Variants in RUNX1 observed in about 807,000 individuals in gnomAD.
The protein encoded by RUNX1 is RUNX family transcription factor 1.
In RUNX1, 19 loss-of-function variants were observed where a neutral mutation model predicts 42.8. The observed-to-expected ratio is 0.44, with a 90% CI of 0.31 to 0.65. The LOEUF (loss-of-function observed/expected upper bound fraction) is 0.65. Among genes scored for constraint, RUNX1 ranks in the 30% least tolerant of loss-of-function variants. The pLI, the probability that RUNX1 is intolerant of heterozygous loss-of-function variation, is 0.07. For missense variants in RUNX1, 528 were observed against 672.0 expected (o/e 0.79, Z 2.37); for synonymous variants, 271 against 289.4 (o/e 0.94, Z 0.64).
chr21:34,845,722 C>T (rs1378268315), intron 6 of RUNX1, among the ~76,000 whole-genome samples: 1 of 152,046 alleles, frequency 6.6e-6, no homozygotes, highest in African/African-American at 2.4e-5. Flanking sequence ...TCCCCACCCC[C>T]AACTTTTTTT....
chr21:35,034,625 C>T (rs553252203), intron 2 of RUNX1, among the ~76,000 whole-genome samples: 1 of 152,308 alleles, frequency 6.6e-6, no homozygotes, highest in East Asian at 1.9e-4. Flanking sequence ...GAAGGGTTGT[C>T]ACTAGTGTCT....
intron 2 of RUNX1, among the ~76,000 whole-genome samples, chr21:34,963,300 C>T (rs2058694494): frequency 6.6e-6 from 1 of 152,152 alleles, no homozygotes; most frequent in African/African-American, 2.4e-5. Context: ...TGGAAGATGA[C>T]ACTCCTCCCC....
In RUNX1 at chr21:35,010,614, TACACACACACGCACACACACAC is replaced by T. The variant is rs1569149771; in HGVS notation, c.58+38206_58+38227del. 1.0e-4 allele frequency among the ~76,000 whole-genome samples: 15 copies of T among 147,318 alleles called. No homozygotes were observed. The South Asian group carries it at 3.2e-3, about 32-fold the overall frequency. ...ATATGGTCAGTCACACTACCGTGAGTACACACACACGCACACACACACACACACACACACACACTCATTCACA... is the reference window on the plus strand; with the variant it reads ...ATATGGTCAGTCACACTACCGTGAGTACACACACACACACACTCATTCACA... On this transcript the variant is annotated intron_variant, in intron 2 of 8. Coordinates refer to ENST00000675419, the MANE Select transcript of RUNX1 (RefSeq NM_001754.5).
rs2056401472 is a variant in RUNX1, at chr21:34,788,855, A to C, written c.*3280T>G. On this transcript the variant is annotated 3_prime_UTR_variant, in exon 9 of 9. Transcript: ENST00000675419. Reference sequence around the variant, plus strand: ...CATGTATAAAAGACCCAAACATGTCATTCCCCCCAAAAATAAAAACCAACA... The same window carrying C: ...CATGTATAAAAGACCCAAACATGTCCTTCCCCCCAAAAATAAAAACCAACA... 4.3e-6 allele frequency: 1 copy of C among 233,352 alleles called. No individual in the cohort carries two copies. The highest frequency in any genetic ancestry group is 5.6e-5 in the Admixed American group (1 of 17,790). The allele number at this position is 233,352 out of a possible 1,614,324, so 14.5% of individuals were successfully genotyped here. A position where few individuals can be genotyped will look rare whatever the true frequency, so the allele number is the denominator to read the frequency against.
chr21:34,860,885 C>T (rs2057564624), intron 5 of RUNX1, among the ~76,000 whole-genome samples: 1 of 152,162 alleles, frequency 6.6e-6, no homozygotes, highest in African/African-American at 2.4e-5. Flanking sequence ...GAAATCTCCA[C>T]CGAACACTCC....
At chr21:34,923,879 C>A (rs1273443256) in intron 2 of RUNX1, among the ~76,000 whole-genome samples, 1 of 151,924 alleles carries the variant, frequency 6.6e-6, no homozygotes, top group Non-Finnish European at 1.5e-5. Flanking sequence ...TGCTGCTGAG[C>A]CATGTCTCTC....
chr21:34,831,555 CA>C (rs2057064386), intron 7 of RUNX1, among the ~76,000 whole-genome samples: 1 of 152,168 alleles, frequency 6.6e-6, no homozygotes. Context: ...GCAAGCTCGC[CA>C]AACCCCCGGT....
intron 2 of RUNX1, among the ~76,000 whole-genome samples, chr21:34,957,379 A>T (rs1347300696): frequency 6.6e-6 from 1 of 152,208 alleles, no homozygotes; most frequent in African/African-American, 2.4e-5. Context: ...TTCAACACAC[A>T]GTGCCCTTAC....
At chr21:35,006,158 C>T (rs1388488324) in intron 2 of RUNX1, among the ~76,000 whole-genome samples, 2 of 152,104 alleles carry the variant, frequency 1.3e-5, no homozygotes, top group East Asian at 3.9e-4. Flanking sequence ...AGCGTTGCAT[C>T]CAGGTGCTGG....
At chr21:34,799,601 A>G (rs1311361062) in intron 7 of RUNX1, 139 bp from the exon 8 acceptor site, 1 of 695,822 alleles carries the variant, frequency 1.4e-6, no homozygotes, top group Non-Finnish European at 2.5e-6. Flanking sequence ...TAATAAGCCT[A>G]CTCAAGTCCA....
At position 35,033,466 on chromosome 21, in the gene RUNX1, G is replaced by A. The variant is rs1022863152; in HGVS notation, c.58+15376C>T. On this transcript the variant is annotated intron_variant, in intron 2 of 8. Coordinates refer to ENST00000675419, the MANE Select transcript of RUNX1 (RefSeq NM_001754.5). ...ACGCAGATGGAGTGTGTCCATCCAT[G>A]TCTGTGATGGGGATGTGGGATTCCT... Among the ~76,000 whole-genome samples, 5 of 152,332 alleles carry A rather than the reference G, an allele frequency of 3.3e-5. No individual in the cohort carries two copies. In the South Asian group the frequency reaches 1.0e-3, roughly 32 times the overall value.
intron 7 of RUNX1, among the ~76,000 whole-genome samples, chr21:34,810,305 A>G (rs984073011): frequency 2.0e-5 from 3 of 152,276 alleles, no homozygotes; most frequent in African/African-American, 4.8e-5. Context: ...GCCCTAAGGC[A>G]GGCTTATTGG....
At chr21:34,857,321 C>G (rs141063985) in intron 6 of RUNX1, among the ~76,000 whole-genome samples, 5 of 152,214 alleles carry the variant, frequency 3.3e-5, no homozygotes, top group Admixed American at 2.0e-4. Context: ...ACTGTATATA[C>G]AGCCAGACCG....
intron 2 of RUNX1, among the ~76,000 whole-genome samples, chr21:34,918,073 A>C (rs2058325356): frequency 7.1e-6 from 1 of 140,664 alleles, no homozygotes; most frequent in Non-Finnish European, 1.5e-5. Context: ...GATTGCAGTG[A>C]GCTGAGATTG....
rs895580593 is a variant in RUNX1 at position 34,792,596 on chromosome 21, T to A, written c.982A>T (p.Thr328Ser). Reference sequence around the variant, plus strand: ...AACTGGCGCGGGTCGCTGAACGCTGTCAGGTCGGGTGCCGCTGCAGGGCGG... The same window carrying A: ...AACTGGCGCGGGTCGCTGAACGCTGACAGGTCGGGTGCCGCTGCAGGGCGG... ...SSRLSTAPDL[T>S]AFSDPRQFPA... Residue 328 changes from threonine to serine, a missense_variant, in exon 9 of 9, where the codon ACA becomes TCA. Physicochemically the swap from Thr to Ser is moderately conservative, Grantham distance 58. Transcript: ENST00000675419. This position sits in a 1 kb window ranked among gnomAD's most constrained non-coding sequence, Gnocchi z 6.9. The A allele has an allele frequency of 6.3e-7, 1 of 1,593,598 alleles. No homozygotes were observed. Among genetic ancestry groups the A allele is most frequent in the African/African-American group, 1.3e-5 (1 of 74,606 alleles).
At chr21:34,834,165 T>C (rs966996205) in intron 7 of RUNX1, 3 of 697,880 alleles carry the variant, frequency 4.3e-6, no homozygotes, top group Non-Finnish European at 7.8e-6. Flanking sequence ...GTATCCTCTG[T>C]AGCAGTGCTT....
intron 2 of RUNX1, among the ~76,000 whole-genome samples, chr21:34,900,751 A>G (rs1387472510): frequency 6.6e-6 from 1 of 152,210 alleles, no homozygotes; most frequent in African/African-American, 2.4e-5. Context: ...ACAATATTAC[A>G]AAAGCATCTC....
At chr21:34,936,220 C>G (rs866398088) in intron 2 of RUNX1, among the ~76,000 whole-genome samples, 3 of 152,074 alleles carry the variant, frequency 2.0e-5, no homozygotes, top group Middle Eastern at 6.8e-3. Context: ...CTGCCATGTT[C>G]GTTTCCCCCC....
At chr21:35,028,737 T>C (rs573981499) in intron 2 of RUNX1, among the ~76,000 whole-genome samples, 11 of 152,368 alleles carry the variant, frequency 7.2e-5, no homozygotes, top group African/African-American at 2.6e-4. Flanking sequence ...TCTAACGCAG[T>C]GTCATGTCCA....
Sources: allele counts gnomAD v4.1 joint callset (sites outside exome capture counted in the v4.1 genomes callset), GRCh38; gene constraint gnomAD v4.1.1; non-coding constraint Gnocchi (gnomAD v3.1); transcripts MANE v1.5; gene names NCBI Gene and HGNC (gene_info 2026-07-23, HGNC 2026-07-21).